Variants in BNC2 observed in about 807,000 individuals in gnomAD.
BNC2 encodes zinc finger protein basonuclin-2.
Under a neutral mutation model 76.3 loss-of-function variants are expected in BNC2, and 20 were observed. That is an observed-to-expected ratio of 0.26 (90% CI 0.18 to 0.38). The LOEUF (loss-of-function observed/expected upper bound fraction) is 0.38. Ranked by LOEUF, BNC2 falls within the 10% of genes least tolerant of loss-of-function variation. The probability of loss-of-function intolerance (pLI) is 1.00; values close to 1 mark genes in which losing one functional copy is unlikely to be tolerated. For missense variants in BNC2, 1,382 were observed against 1,399.8 expected (o/e 0.99, Z 0.20); for synonymous variants, 582 against 514.8 (o/e 1.13, Z -1.77).
chr9:16,425,327 C>T (rs1249108427), intron 6 of BNC2, among the ~76,000 whole-genome samples: 2 of 151,658 alleles, frequency 1.3e-5, no homozygotes, highest in Non-Finnish European at 2.9e-5. Flanking sequence ...GTATTGGGGT[C>T]GACCATTTAT....
chr9:16,636,379 T>C (rs1332616768), intron 3 of BNC2, among the ~76,000 whole-genome samples: 1 of 152,098 alleles, frequency 6.6e-6, no homozygotes, highest in African/African-American at 2.4e-5. Context: ...CACAGCTCAC[T>C]GCAGCTTCAA....
At chr9:16,800,707 C>T (rs1001126568) in intron 1 of BNC2, among the ~76,000 whole-genome samples, 1 of 152,102 alleles carries the variant, frequency 6.6e-6, no homozygotes, top group African/African-American at 2.4e-5. Context: ...GAATTTTACT[C>T]CCTACAGCCT....
chr9:16,848,824 G>A (rs1050482837), intron 1 of BNC2, among the ~76,000 whole-genome samples: 2 of 152,122 alleles, frequency 1.3e-5, no homozygotes, highest in African/African-American at 4.8e-5. Context: ...GTCCTAAGTG[G>A]AAAATTCCAC....
At chr9:16,551,963 G>A (rs1015752201) in intron 5 of BNC2, among the ~76,000 whole-genome samples, 2 of 152,188 alleles carry the variant, frequency 1.3e-5, no homozygotes, top group Non-Finnish European at 2.9e-5. Context: ...AATCATGTCT[G>A]TGTGTTTCAG....
At position 16,699,297 on chromosome 9, in the gene BNC2, C is replaced by G. The variant is rs1823439383; in HGVS notation, c.330+28500G>C. 9.1e-6 allele frequency: 4 copies of G among 439,962 alleles called. No individual in the cohort carries two copies. In the Admixed American group the frequency reaches 1.1e-4, roughly 12 times the overall value. The allele number at this position is 439,962 out of a possible 1,614,324, so 27.3% of individuals were successfully genotyped here. A position where few individuals can be genotyped will look rare whatever the true frequency, so the allele number is the denominator to read the frequency against. On this transcript the variant is annotated intron_variant, in intron 3 of 6. Transcript: ENST00000380672. ...GGTTAGGAGGAGGAAGACAGGCCAA[C>G]AGAATAGTCCCTTGATGGAAATGTA...
At position 16,727,913 on chromosome 9, in the gene BNC2, C is replaced by T. The variant is rs1824394744; in HGVS notation, c.214G>A (p.Asp72Asn). The change falls in exon 3 of 7, where the codon GAC (aspartate) becomes AAC (asparagine). Residue 72 changes from aspartate (D) to asparagine (N), a missense_variant. By Grantham distance (23) the Asp-to-Asn change is conservative. This residue lies in a region of BNC2 where 557 missense variants were observed against 540.9 expected (regional missense o/e 1.03). Transcript: ENST00000380672. Reference sequence around the variant, plus strand: ...TGCATGGAGTTGTCAGTACAGGAGTCTCTTAAAGTCAAGTCTCTTGCCCTC... The same window carrying T: ...TGCATGGAGTTGTCAGTACAGGAGTTTCTTAAAGTCAAGTCTCTTGCCCTC... The part of the protein sequence containing the change: ...PKRARDLTLR[D>N]SCTDNSMQFG... 1 of 1,614,028 alleles carries T rather than the reference C, an allele frequency of 6.2e-7. No homozygotes were observed. The highest frequency in any genetic ancestry group is 1.3e-5 in the African/African-American group (1 of 74,920).
chr9:16,645,722 A>G (rs1375634151), intron 3 of BNC2, among the ~76,000 whole-genome samples: 1 of 152,244 alleles, frequency 6.6e-6, no homozygotes, highest in Non-Finnish European at 1.5e-5. Context: ...GTTAGATTAT[A>G]TATAAATTAA....
At chr9:16,681,187 G>A (rs943786620) in intron 3 of BNC2, among the ~76,000 whole-genome samples, 1 of 152,140 alleles carries the variant, frequency 6.6e-6, no homozygotes, top group Admixed American at 6.5e-5. Flanking sequence ...CCAGAGTTAC[G>A]TCAAATTTTC....
intron 5 of BNC2, among the ~76,000 whole-genome samples, chr9:16,513,358 G>C (rs1822803969): frequency 7.1e-6 from 1 of 140,206 alleles, no homozygotes; most frequent in African/African-American, 2.7e-5. Context: ...CCAGGCTGGA[G>C]TGCAGTGGCA....
At chr9:16,598,416 A>T (rs1820153410) in intron 3 of BNC2, among the ~76,000 whole-genome samples, 1 of 152,214 alleles carries the variant, frequency 6.6e-6, no homozygotes, top group Non-Finnish European at 1.5e-5. Flanking sequence ...AATTCACATG[A>T]AATATTTAGC....
At chr9:16,485,111 GACACAC>G (rs58432278) in intron 5 of BNC2, among the ~76,000 whole-genome samples, 1 of 143,666 alleles carries the variant, frequency 7.0e-6, no homozygotes, top group East Asian at 2.1e-4. Context: ...GACACACACA[GACACAC>G]ACACACACAC....
At position 16,743,254 on chromosome 9, in the gene BNC2, A is replaced by T. The variant is rs369813734; in HGVS notation, c.4-4769T>A. 1.2e-3 allele frequency among the ~76,000 whole-genome samples: 186 copies of T among 152,292 alleles called. 1 individual carries two copies. The highest frequency in any genetic ancestry group is 4.4e-3 in the African/African-American group (181 of 41,560). Reference sequence around the variant, plus strand: ...CTTGAGTGTACAAGCTTTCTGCTACATGCATAGCACAGAATTTCGAATTTA... The same window carrying T: ...CTTGAGTGTACAAGCTTTCTGCTACTTGCATAGCACAGAATTTCGAATTTA... On this transcript the variant is annotated intron_variant, in intron 1 of 6. Transcript: ENST00000380672.
chr9:16,701,297 A>C (rs1823503725), intron 3 of BNC2, among the ~76,000 whole-genome samples: 1 of 152,202 alleles, frequency 6.6e-6, no homozygotes, highest in Non-Finnish European at 1.5e-5. Flanking sequence ...AGCTAGCTTA[A>C]ATGATATATG....
At chr9:16,728,106 T>TG in intron 2 of BNC2, 109 bp from the exon 3 acceptor site, 1 of 467,244 alleles carries the variant, frequency 2.1e-6, no homozygotes, top group Non-Finnish European at 4.1e-6. Flanking sequence ...GGGGGAGATT[T>TG]GGGGGAGGGA....
chr9:16,684,668 C>CT (rs1455357630), intron 3 of BNC2, among the ~76,000 whole-genome samples: 2 of 151,498 alleles, frequency 1.3e-5, no homozygotes, highest in African/African-American at 4.9e-5. Flanking sequence ...AATGGAGGTC[C>CT]TAAAAAAAAA....
intron 1 of BNC2, among the ~76,000 whole-genome samples, chr9:16,793,927 C>T (rs1178894491): frequency 1.4e-5 from 2 of 137,940 alleles, no homozygotes; most frequent in South Asian, 2.4e-4. Context: ...TGGTCTCGAT[C>T]TCCTGACCTC....
rs182993761 is a variant in BNC2, at chr9:16,635,031, T to C, written c.331-51946A>G. On this transcript the variant is annotated intron_variant, in intron 3 of 6. Transcript: ENST00000380672. ...TAAATTACATACCGTATACTCCATA[T>C]GGAAACCTATTTTCAAAATAACCTA... 3.4e-4 allele frequency among the ~76,000 whole-genome samples: 52 copies of C among 152,346 alleles called. 1 individual carries two copies. The highest frequency in any genetic ancestry group is 3.1e-3 in the Admixed American group (47 of 15,304).
chr9:16,825,041 CCT>C (rs998756115), intron 1 of BNC2, among the ~76,000 whole-genome samples: 1 of 73,760 alleles, frequency 1.4e-5, no homozygotes. Context: ...TTTTCTTACC[CCT>C]CTTTTTTTTT....
intron 1 of BNC2, among the ~76,000 whole-genome samples, chr9:16,848,111 C>T (rs761373178): frequency 1.3e-4 from 20 of 152,294 alleles, no homozygotes; most frequent in South Asian, 2.1e-4. Flanking sequence ...TTAATAAATG[C>T]TGCCTTTTCC....
Sources: allele counts gnomAD v4.1 joint callset (sites outside exome capture counted in the v4.1 genomes callset), GRCh38; gene constraint gnomAD v4.1.1; regional missense constraint gnomAD v4.1.1; transcripts MANE v1.5; gene names NCBI Gene and HGNC (gene_info 2026-07-23, HGNC 2026-07-21).